The following SDHAF2 variants were observed in gnomAD, a reference collection of about 807,000 sequenced individuals.
SDHAF2 encodes the protein succinate dehydrogenase complex assembly factor 2, also known as succinate dehydrogenase assembly factor 2, mitochondrial.
Under a neutral mutation model 18.5 loss-of-function variants are expected in SDHAF2, and 21 were observed. The ratio of observed to expected loss-of-function variants is 1.13; its 90% CI spans 0.80 to 1.63. SDHAF2 has a LOEUF of 1.63. SDHAF2 is among the 40% of genes most tolerant of loss of function. SDHAF2 has a pLI of 0.00. For missense variants in SDHAF2, 195 were observed against 200.3 expected, an observed-to-expected ratio of 0.97 and a Z score of 0.16; for synonymous variants, 84 against 70.7, an observed-to-expected ratio of 1.19 and a Z score of -0.94.
chr11:61,430,513 G>T, intron 1 of SDHAF2: 2 of 463,810 alleles, frequency 4.3e-6, no homozygotes, highest in Non-Finnish European at 7.6e-6. Context: ...GCTTTTCGTG[G>T]TTTCACATAG....
chr11:61,442,291 T>C (rs948471881), intron 3 of SDHAF2, among the ~76,000 whole-genome samples: 1 of 152,200 alleles, frequency 6.6e-6, no homozygotes, highest in Non-Finnish European at 1.5e-5. Context: ...CGCCAGCTCT[T>C]AGTGTACAAG....
At position 61,430,199 on chromosome 11, in the gene SDHAF2, T is replaced by G; in HGVS notation, c.36+17T>G. On this transcript the variant is annotated intron_variant, in intron 1 of 3. Coordinates refer to ENST00000301761, the MANE Select transcript of SDHAF2 (RefSeq NM_017841.4). ...TCGTCGCTGGTGAGGAGAGAGAACGTTCTAGCGTCCGGGGCGGGCGGCAGC... is the reference window on the plus strand; with the variant it reads ...TCGTCGCTGGTGAGGAGAGAGAACGGTCTAGCGTCCGGGGCGGGCGGCAGC... 2 of 1,614,178 alleles carry G rather than the reference T, an allele frequency of 1.2e-6. No individual in the cohort carries two copies. The highest frequency in any genetic ancestry group is 1.7e-6 in the Non-Finnish European group (2 of 1,180,020).
chr11:61,436,160 A>T (rs1200858878), intron 1 of SDHAF2: 1 of 151,704 alleles, frequency 6.6e-6, no homozygotes, highest in Non-Finnish European at 1.5e-5. Context: ...TGCACACTCC[A>T]CTCCCCTCAA....
At chr11:61,442,599 G>A (rs1862081928) in intron 3 of SDHAF2, among the ~76,000 whole-genome samples, 3 of 151,932 alleles carry the variant, frequency 2.0e-5, no homozygotes, top group African/African-American at 7.3e-5. Flanking sequence ...TGGGCATCTT[G>A]GATCTGTGTT....
At chr11:61,441,915 A>G (rs903222338) in intron 3 of SDHAF2, among the ~76,000 whole-genome samples, 3 of 137,134 alleles carry the variant, frequency 2.2e-5, no homozygotes, top group African/African-American at 8.1e-5. Flanking sequence ...ACAGGATCTC[A>G]CTCTGTCACC....
chr11:61,434,595 T>TTTTTTTTTTTTTTTC (rs1861971714), intron 1 of SDHAF2: 2 of 143,496 alleles, frequency 1.4e-5, no homozygotes, highest in African/African-American at 5.9e-5. Context: ...TCATTCCTTT[T>TTTTTTTTTTTTTTTC]TTTTTTTTTT....
At chr11:61,438,185 C>T (rs1337183812) in intron 3 of SDHAF2, 72 bp downstream of exon 3, 1 of 1,175,372 alleles carries the variant, frequency 8.5e-7, no homozygotes. Flanking sequence ...GAATTGTATC[C>T]TAGATAATTT....
At chr11:61,430,256 C>G in intron 1 of SDHAF2, 74 bp downstream of exon 1, 3 of 1,591,874 alleles carry the variant, frequency 1.9e-6, no homozygotes, top group African/African-American at 1.3e-5. Context: ...TCTGTGGTCT[C>G]TATCTTGGGG....
chr11:61,445,225 T>C (rs1339678227), intron 3 of SDHAF2, among the ~76,000 whole-genome samples: 1 of 152,144 alleles, frequency 6.6e-6, no homozygotes, highest in African/African-American at 2.4e-5. Context: ...AATTGGCATC[T>C]TAAATAAGTG....
At chr11:61,437,155 G>GT (rs1464309760) in intron 1 of SDHAF2, among the ~76,000 whole-genome samples, 28 of 152,134 alleles carry the variant, frequency 1.8e-4, no homozygotes, top group Non-Finnish European at 3.4e-4. Flanking sequence ...CTGAGCCTCT[G>GT]TTTCCTTGGC....
chr11:61,441,254 C>T (rs1454884714), intron 3 of SDHAF2, among the ~76,000 whole-genome samples: 1 of 152,092 alleles, frequency 6.6e-6, no homozygotes, highest in African/African-American at 2.4e-5. Context: ...CAAACTCAAC[C>T]AGACGCGGTG....
At chr11:61,441,470 G>A (rs1004680323) in intron 3 of SDHAF2, among the ~76,000 whole-genome samples, 18 of 149,266 alleles carry the variant, frequency 1.2e-4, no homozygotes, top group African/African-American at 2.5e-4. Context: ...GCAGTAAGCC[G>A]AGATCATGCC....
At chr11:61,442,347 C>T (rs1193753146) in intron 3 of SDHAF2, among the ~76,000 whole-genome samples, 1 of 152,182 alleles carries the variant, frequency 6.6e-6, no homozygotes, top group Non-Finnish European at 1.5e-5. Flanking sequence ...TGGTTTTGCT[C>T]TGGTTACCTT....
intron 1 of SDHAF2, chr11:61,430,785 C>T (rs1861874942): frequency 6.6e-6 from 1 of 152,246 alleles, no homozygotes; most frequent in African/African-American, 2.4e-5. Context: ...TTCTTTTTTC[C>T]TAGCCTGCTG....
At chr11:61,443,835 G>A (rs568515669) in intron 3 of SDHAF2, among the ~76,000 whole-genome samples, 18 of 151,984 alleles carry the variant, frequency 1.2e-4, no homozygotes, top group African/African-American at 3.6e-4. Flanking sequence ...AGGCAGTGGC[G>A]CGATATCGGC....
chr11:61,441,887 C>CTTT (rs71046723), intron 3 of SDHAF2, among the ~76,000 whole-genome samples: 3 of 140,724 alleles, frequency 2.1e-5, no homozygotes, highest in Non-Finnish European at 4.6e-5. Flanking sequence ...CCACTCCTCC[C>CTTT]TTTTTTTTTT....
At chr11:61,436,726 C>T (rs1324699932) in intron 1 of SDHAF2, 1 of 472,846 alleles carries the variant, frequency 2.1e-6, no homozygotes, top group Admixed American at 2.6e-5. Context: ...ACCTGGGGAG[C>T]AGGAGCCTCT....
At chr11:61,442,884 AC>A (rs1230748192) in intron 3 of SDHAF2, among the ~76,000 whole-genome samples, 1 of 152,104 alleles carries the variant, frequency 6.6e-6, no homozygotes, top group Admixed American at 6.5e-5. Flanking sequence ...CTCCTGAGCA[AC>A]TGGGACCACA....
chr11:61,430,813 T>G lies in SDHAF2; in HGVS notation c.36+631T>G, dbSNP rs118030764. ...GCCTGCTGTTATAAAGTAACTAACT[T>G]TGCCTCTATCTTCCCCTCCTACCCC... On this transcript the variant is annotated intron_variant, in intron 1 of 3. Coordinates refer to ENST00000301761, the MANE Select transcript of SDHAF2 (RefSeq NM_017841.4). 884 of 152,418 alleles carry G rather than the reference T, an allele frequency of 5.8e-3. 4 individuals are homozygous for G. Among genetic ancestry groups the G allele is most frequent in the Non-Finnish European group, 9.5e-3 (647 of 68,090 alleles). The allele number at this position is 152,418 out of a possible 1,614,324, so 9.4% of individuals were successfully genotyped here.
Sources: allele counts gnomAD v4.1 joint callset (sites outside exome capture counted in the v4.1 genomes callset), GRCh38; gene constraint gnomAD v4.1.1; transcripts MANE v1.5; gene names NCBI Gene and HGNC (gene_info 2026-07-23, HGNC 2026-07-21).